The following MACROD1 variants were observed in gnomAD, a reference collection of about 807,000 sequenced individuals.
MACROD1 encodes the protein ADP-ribose glycohydrolase MACROD1.
In MACROD1, 31 loss-of-function variants were observed where a neutral mutation model predicts 41.4. That is an observed-to-expected ratio of 0.75 (90% CI 0.56 to 1.01). The LOEUF (loss-of-function observed/expected upper bound fraction) is 1.01, where lower values mean the gene tolerates loss of function less well. MACROD1 is among the 50% of genes least tolerant of loss of function. MACROD1 has a pLI of 0.00. For synonymous variants in MACROD1, 252 were observed against 203.4 expected (o/e 1.24, Z -2.03); for missense variants, 473 against 460.0 (o/e 1.03, Z -0.26).
intron 5 of MACROD1, 56 bp downstream of exon 5, chr11:64,000,171 G>A (rs1343490343): frequency 7.0e-7 from 1 of 1,435,090 alleles, no homozygotes; most frequent in African/African-American, 1.4e-5. Context: ...TGATGTCCCA[G>A]TGACACACGG....
intron 3 of MACROD1, among the ~76,000 whole-genome samples, chr11:64,135,472 G>A (rs532712595): frequency 2.6e-5 from 4 of 152,324 alleles, no homozygotes; most frequent in East Asian, 1.9e-4. Flanking sequence ...AGCCCTTGCC[G>A]CTTGCCCTCG....
intron 1 of MACROD1, among the ~76,000 whole-genome samples, chr11:64,162,555 C>T (rs1374632429): frequency 6.6e-6 from 1 of 152,096 alleles, no homozygotes; most frequent in Non-Finnish European, 1.5e-5. Context: ...TGGCTCACGA[C>T]TGTAATCCCA....
rs1379682768 is a variant in MACROD1 at position 64,120,156 on chromosome 11, AAGG to A, written c.517+31080_517+31082del. 3.3e-5 allele frequency among the ~76,000 whole-genome samples: 5 copies of A among 152,306 alleles called. No individual in the cohort carries two copies. The East Asian group carries it at 7.7e-4, about 24-fold the overall frequency. On this transcript the variant is annotated intron_variant, in intron 3 of 10. Coordinates refer to ENST00000255681, the MANE Select transcript of MACROD1 (RefSeq NM_014067.4). This position sits in a 1 kb window ranked among gnomAD's most constrained non-coding sequence, Gnocchi z 4.5. ...ACCTTCAGTGAGGAGATGGGGCTGA[AAGG>A]AGCGGACACAACAGCCACGTGGAAA...
Position 64,085,569 on chromosome 11 carries a change from C to T in MACROD1, c.517+65670G>A, listed in dbSNP as rs554287868. ...TCCACTAAGTACGTCCCCTGCCGCC[C>T]GCCCGGGTCCACCCCAGGCCGCAGC... is the stretch of plus-strand genomic sequence containing the variant. On this transcript the variant is annotated intron_variant, in intron 3 of 10. Transcript: ENST00000255681. Among the ~76,000 whole-genome samples the T allele has an allele frequency of 1.4e-4, 22 of 152,330 alleles. No individual in the cohort carries two copies. In the South Asian group the frequency reaches 3.3e-3, roughly 23 times the overall value.
intron 3 of MACROD1, among the ~76,000 whole-genome samples, chr11:64,050,012 A>G (rs542100847): frequency 1.4e-3 from 214 of 152,234 alleles, no homozygotes; most frequent in African/African-American, 4.8e-3. Context: ...AAATAATGCT[A>G]TTAATATTAA....
At chr11:64,032,126 G>C (rs1225515555) in intron 3 of MACROD1, among the ~76,000 whole-genome samples, 6 of 152,168 alleles carry the variant, frequency 3.9e-5, no homozygotes, top group African/African-American at 1.4e-4. Flanking sequence ...CCCCCAGTGA[G>C]GAAGACCCTG....
At chr11:64,160,946 T>TAGAC (rs1021669421) in intron 1 of MACROD1, among the ~76,000 whole-genome samples, 6 of 151,012 alleles carry the variant, frequency 4.0e-5, no homozygotes, top group Non-Finnish European at 5.9e-5. Flanking sequence ...CCGAGACAGG[T>TAGAC]AGACCACCTG....
intron 3 of MACROD1, among the ~76,000 whole-genome samples, chr11:64,049,047 T>C (rs1183071917): frequency 7.9e-6 from 1 of 126,994 alleles, no homozygotes; most frequent in African/African-American, 3.6e-5. Flanking sequence ...GATAGGCAGA[T>C]CACATATTTG....
At chr11:64,093,178 C>T (rs1322068344) in intron 3 of MACROD1, among the ~76,000 whole-genome samples, 6 of 152,174 alleles carry the variant, frequency 3.9e-5, no homozygotes, top group Non-Finnish European at 5.9e-5. Flanking sequence ...AGTGAGGCGA[C>T]GTGTGAATAG....
rs1487308247 is a variant in MACROD1, at chr11:64,064,792, C to T, written c.518-49511G>A. Among the ~76,000 whole-genome samples, 1 of 151,974 alleles carries T rather than the reference C, an allele frequency of 6.6e-6. No homozygotes were observed. Among genetic ancestry groups the T allele is most frequent in the Non-Finnish European group, 1.5e-5 (1 of 67,976 alleles). ...CAAAGGCTGACAGAACAGAGGCTGCCAACTAAAACCTGGGCACCCGGTGGC... is the reference window on the plus strand; with the variant it reads ...CAAAGGCTGACAGAACAGAGGCTGCTAACTAAAACCTGGGCACCCGGTGGC... On this transcript the variant is annotated intron_variant, in intron 3 of 10. Transcript: ENST00000255681. This position sits in a 1 kb window ranked among gnomAD's most constrained non-coding sequence, Gnocchi z 4.5.
intron 3 of MACROD1, among the ~76,000 whole-genome samples, chr11:64,098,254 C>T (rs941125422): frequency 5.3e-5 from 8 of 152,196 alleles, no homozygotes; most frequent in African/African-American, 7.2e-5. Context: ...GCATTCAGAG[C>T]GCCCCTAAGG....
intron 3 of MACROD1, among the ~76,000 whole-genome samples, chr11:64,088,876 G>A (rs990080414): frequency 9.2e-5 from 14 of 152,126 alleles, no homozygotes; most frequent in African/African-American, 3.4e-4. Context: ...AGGCGGAATC[G>A]GGTGTATTGA....
At chr11:64,042,672 G>A (rs1247622078) in intron 3 of MACROD1, among the ~76,000 whole-genome samples, 1 of 152,146 alleles carries the variant, frequency 6.6e-6, no homozygotes, top group Non-Finnish European at 1.5e-5. Context: ...CCGGTCCCAG[G>A]GAGATAGACA....
chr11:64,104,086 G>A (rs12418035), intron 3 of MACROD1: 28,721 of 152,258 alleles, frequency 0.19, 2,833 homozygotes, highest in Admixed American at 0.29. Flanking sequence ...CTGAGCTCAC[G>A]GTGTCCTGAG....
chr11:64,021,424 C>T (rs924316288), intron 3 of MACROD1, among the ~76,000 whole-genome samples: 4 of 152,144 alleles, frequency 2.6e-5, no homozygotes, highest in Non-Finnish European at 4.4e-5. Flanking sequence ...CTGCCGAGGG[C>T]GGTGAGGGGT....
At chr11:64,145,515 G>C (rs1460345889) in intron 3 of MACROD1, among the ~76,000 whole-genome samples, 3 of 152,170 alleles carry the variant, frequency 2.0e-5, no homozygotes, top group Non-Finnish European at 4.4e-5. Flanking sequence ...CTGCCCTTCG[G>C]TGGAACTGAT....
intron 3 of MACROD1, among the ~76,000 whole-genome samples, chr11:64,022,177 G>A (rs1265071614): frequency 6.6e-6 from 1 of 152,058 alleles, no homozygotes; most frequent in South Asian, 2.1e-4. Flanking sequence ...CTGCTGGGGG[G>A]TTTAGACAGA....
intron 3 of MACROD1, among the ~76,000 whole-genome samples, chr11:64,039,079 C>T (rs1943435842): frequency 6.6e-6 from 1 of 152,174 alleles, no homozygotes; most frequent in South Asian, 2.1e-4. Context: ...ACTGAGGTGG[C>T]CCTCATCCCC....
At chr11:64,033,029 T>C (rs1281788052) in intron 3 of MACROD1, among the ~76,000 whole-genome samples, 4 of 152,040 alleles carry the variant, frequency 2.6e-5, no homozygotes, top group Admixed American at 2.6e-4. Flanking sequence ...GCTTCTGCTG[T>C]CTGCAAGAAC....
Sources: allele counts gnomAD v4.1 joint callset (sites outside exome capture counted in the v4.1 genomes callset), GRCh38; gene constraint gnomAD v4.1.1; non-coding constraint Gnocchi (gnomAD v3.1); transcripts MANE v1.5; gene names NCBI Gene and HGNC (gene_info 2026-07-23, HGNC 2026-07-21).